Variants in ADGRL3 observed in about 807,000 individuals in gnomAD.
The protein encoded by ADGRL3 is calcium-independent alpha-latrotoxin receptor 3.
In ADGRL3, 62 loss-of-function variants were observed where a neutral mutation model predicts 153.5. The observed-to-expected ratio is 0.40, with a 90% confidence interval of 0.33 to 0.50. ADGRL3 has a LOEUF of 0.50. Among genes scored for constraint, ADGRL3 ranks in the 20% least tolerant of loss-of-function variants. The pLI, the probability that ADGRL3 is intolerant of heterozygous loss-of-function variation, is 0.47. For missense variants in ADGRL3, 1,641 were observed against 1,859.4 expected, an observed-to-expected ratio of 0.88 and a Z score of 2.16; for synonymous variants, 710 against 672.5, an observed-to-expected ratio of 1.06 and a Z score of -0.86.
At chr4:62,047,870 T>G (rs1031946527) in intron 25 of ADGRL3, among the ~76,000 whole-genome samples, 1 of 152,130 alleles carries the variant, frequency 6.6e-6, no homozygotes, top group Non-Finnish European at 1.5e-5. Context: ...TCAAGTTAAC[T>G]TTAGCGATCC....
chr4:61,383,308 ATG>A (rs2096694131), intron 2 of ADGRL3, 119 bp downstream of exon 2: 1 of 151,700 alleles, frequency 6.6e-6, no homozygotes, highest in Non-Finnish European at 1.5e-5. Flanking sequence ...CATATTTGTA[ATG>A]TGTTACTAAA....
chr4:61,734,590 C>T (rs904935659), intron 8 of ADGRL3, among the ~76,000 whole-genome samples: 2 of 152,130 alleles, frequency 1.3e-5, no homozygotes, highest in African/African-American at 2.4e-5. Flanking sequence ...GGGAGACTGC[C>T]CCCATGATCC....
intron 9 of ADGRL3, among the ~76,000 whole-genome samples, chr4:61,846,463 A>T (rs2098117592): frequency 6.6e-6 from 1 of 152,278 alleles, no homozygotes; most frequent in Admixed American, 6.5e-5. Flanking sequence ...ATTTACAGCC[A>T]TCTAGCCTTC....
chr4:61,295,747 C>T (rs559686654), intron 1 of ADGRL3, among the ~76,000 whole-genome samples: 1 of 151,228 alleles, frequency 6.6e-6, no homozygotes, highest in African/African-American at 2.4e-5. Flanking sequence ...TCACTTGAGC[C>T]TAGGAGTTTG....
At chr4:61,641,420 A>G (rs1007361290) in intron 5 of ADGRL3, among the ~76,000 whole-genome samples, 3 of 144,830 alleles carry the variant, frequency 2.1e-5, no homozygotes, top group Non-Finnish European at 3.0e-5. Flanking sequence ...ATATCTCCCA[A>G]TGCTATCCCT....
At chr4:61,846,948 A>ATGTGTGTGTGTG (rs72301670) in intron 9 of ADGRL3, among the ~76,000 whole-genome samples, 10 of 145,840 alleles carry the variant, frequency 6.9e-5, no homozygotes, top group African/African-American at 2.3e-4. Flanking sequence ...TTTATATATT[A>ATGTGTGTGTGTG]TGTGTGTGTG....
In ADGRL3 at chr4:61,202,739, T is replaced by C. The variant is rs564675148; in HGVS notation, c.-240+974T>C. On this transcript the variant is annotated intron_variant, in intron 1 of 26. Coordinates refer to ENST00000683033, the MANE Select transcript of ADGRL3 (RefSeq NM_001387552.1). This position sits in a 1 kb window ranked among gnomAD's most constrained non-coding sequence, Gnocchi z 5.0. Reference sequence around the variant, plus strand: ...TTAGGGTGCCAGGCCCCCAGCACTATAGGTGGGTGTGTGTGTGTCTGTGCG... The same window carrying C: ...TTAGGGTGCCAGGCCCCCAGCACTACAGGTGGGTGTGTGTGTGTCTGTGCG... 1.3e-5 allele frequency among the ~76,000 whole-genome samples: 2 copies of C among 152,110 alleles called. No individual in the cohort carries two copies. Among genetic ancestry groups the C allele is most frequent in the East Asian group, 3.9e-4 (2 of 5,144 alleles).
intron 1 of ADGRL3, among the ~76,000 whole-genome samples, chr4:61,221,155 A>C (rs1745295254): frequency 6.6e-6 from 1 of 152,230 alleles, no homozygotes; most frequent in Non-Finnish European, 1.5e-5. Flanking sequence ...TCTCATGCTG[A>C]ATATAATAGT....
chr4:61,264,853 T>C (rs1423543586), intron 1 of ADGRL3, among the ~76,000 whole-genome samples: 1 of 151,970 alleles, frequency 6.6e-6, no homozygotes, highest in Non-Finnish European at 1.5e-5. Flanking sequence ...AAAGTGTTTC[T>C]TTAAATAAAC....
At chr4:61,511,712 G>A (rs2098464437) in intron 3 of ADGRL3, among the ~76,000 whole-genome samples, 1 of 152,044 alleles carries the variant, frequency 6.6e-6, no homozygotes, top group African/African-American at 2.4e-5. Context: ...ATAAGATTTA[G>A]GTATACCATA....
At chr4:61,776,507 A>G (rs559126912) in intron 8 of ADGRL3, among the ~76,000 whole-genome samples, 21 of 152,282 alleles carry the variant, frequency 1.4e-4, no homozygotes, top group Middle Eastern at 3.4e-3. Flanking sequence ...TCTGAAATCA[A>G]CTATTAAAGT....
chr4:61,861,255 T>C (rs1326356134), intron 9 of ADGRL3, among the ~76,000 whole-genome samples: 1 of 152,154 alleles, frequency 6.6e-6, no homozygotes, highest in Non-Finnish European at 1.5e-5. Flanking sequence ...AAGATGTGAA[T>C]TTAGGCATCT....
intron 2 of ADGRL3, among the ~76,000 whole-genome samples, chr4:61,418,483 T>C (rs2097168899): frequency 7.0e-6 from 1 of 143,126 alleles, no homozygotes; most frequent in Admixed American, 6.7e-5. Context: ...CTTGTGTGCA[T>C]TTCTTCTGTA....
intron 8 of ADGRL3, among the ~76,000 whole-genome samples, chr4:61,771,849 C>T (rs754679113): frequency 6.6e-6 from 1 of 152,174 alleles, no homozygotes; most frequent in Non-Finnish European, 1.5e-5. Flanking sequence ...AAGCCACCCT[C>T]ATGATCCAGT....
intron 15 of ADGRL3, among the ~76,000 whole-genome samples, chr4:61,946,405 C>T (rs1352539156): frequency 6.6e-6 from 1 of 151,900 alleles, no homozygotes; most frequent in African/African-American, 2.4e-5. Flanking sequence ...TTTTAAGATG[C>T]CATTATTTTA....
At chr4:61,748,861 G>C (rs982928005) in intron 8 of ADGRL3, among the ~76,000 whole-genome samples, 2 of 151,396 alleles carry the variant, frequency 1.3e-5, no homozygotes, top group African/African-American at 4.9e-5. Context: ...TTGACAAATG[G>C]GATCTAATTA....
At chr4:62,010,351 G>C (rs970353180) in intron 21 of ADGRL3, among the ~76,000 whole-genome samples, 2 of 152,084 alleles carry the variant, frequency 1.3e-5, no homozygotes, top group Admixed American at 1.3e-4. Flanking sequence ...TTCGTATGCA[G>C]AAGGCACATG....
intron 26 of ADGRL3, among the ~76,000 whole-genome samples, chr4:62,069,268 C>T (rs1744615460): frequency 6.6e-6 from 1 of 152,128 alleles, no homozygotes. Flanking sequence ...ATAATGGTAA[C>T]ATTAATACTG....
chr4:61,744,662 T>G (rs2096630365), intron 8 of ADGRL3, among the ~76,000 whole-genome samples: 1 of 152,132 alleles, frequency 6.6e-6, no homozygotes, highest in Non-Finnish European at 1.5e-5. Flanking sequence ...GTCCTATCTG[T>G]TAGAAGGAAA....
Sources: allele counts gnomAD v4.1 joint callset (sites outside exome capture counted in the v4.1 genomes callset), GRCh38; gene constraint gnomAD v4.1.1; non-coding constraint Gnocchi (gnomAD v3.1); transcripts MANE v1.5; gene names NCBI Gene and HGNC (gene_info 2026-07-23, HGNC 2026-07-21).